The following ABCC2 variants were observed in gnomAD, a reference collection of about 807,000 sequenced individuals.
The protein encoded by ABCC2 is ATP-binding cassette sub-family C member 2.
A neutral mutation model predicts 173.4 loss-of-function variants in ABCC2; 157 were observed. The ratio of observed to expected loss-of-function variants is 0.91; its 90% CI spans 0.80 to 1.03. The LOEUF is 1.03. ABCC2 is among the 50% of genes least tolerant of loss of function. The pLI, the probability that ABCC2 is intolerant of heterozygous loss-of-function variation, is 0.00. For missense variants in ABCC2, 1,822 were observed against 1,852.3 expected (o/e 0.98, Z 0.30); for synonymous variants, 657 against 693.5 (o/e 0.95, Z 0.83).
rs1564673185 is a variant in ABCC2 at position 99,797,100 on chromosome 10, C to A, written c.636C>A (p.Ile212=). 1 of 1,613,984 alleles carries A rather than the reference C, an allele frequency of 6.2e-7. No homozygotes were observed. Among genetic ancestry groups the A allele is most frequent in the Admixed American group, 1.7e-5 (1 of 59,998 alleles). Residue 212 remains isoleucine (I), a synonymous_variant, in exon 7 of 32, where the codon ATC becomes ATA. Coordinates refer to ENST00000647814, the MANE Select transcript of ABCC2 (RefSeq NM_000392.5). ...SSITYSWYDS[I]ILKGYKRPLT... ...CTGTGGTTCGCTCTTGTTCCAGCAT[C>A]ATTCTGAAAGGCTACAAGCGTCCTC...
In ABCC2 at chr10:99,793,912, C is replaced by T. The variant is rs2037851565; in HGVS notation, c.489C>T (p.Ala163=). 6.2e-7 allele frequency: 1 copy of T among 1,613,868 alleles called. No individual in the cohort carries two copies. Among genetic ancestry groups the T allele is most frequent in the South Asian group, 1.1e-5 (1 of 91,078 alleles). The part of the protein sequence containing the change: ...TLLQGDNSNL[A]YSCLFFISYG... ...CATAGGGTGACAATTCTAATCTAGC[C>T]TACTCCTGCCTGTTCTTCATCTCCT... is the stretch of plus-strand genomic sequence containing the variant. The change falls in exon 5 of 32, where the codon GCC becomes GCT. Residue 163 remains alanine (A), a synonymous_variant. Transcript: ENST00000647814.
chr10:99,831,956 C>T (rs764515783), intron 22 of ABCC2, 21 bp from the exon 23 acceptor site: 1 of 1,614,094 alleles, frequency 6.2e-7, no homozygotes, highest in Non-Finnish European at 8.5e-7. Context: ...ATGGTGCTGA[C>T]AAAACTGCTT....
chr10:99,807,295 G>T, intron 11 of ABCC2, 89 bp from the exon 12 acceptor site: 1 of 1,521,052 alleles, frequency 6.6e-7, no homozygotes, highest in South Asian at 1.1e-5. Context: ...ACATTTTGGG[G>T]ACTATATCTT....
In ABCC2 at chr10:99,819,328, A is replaced by G. The variant is rs114171302; in HGVS notation, c.2620+59A>G. The stretch of plus-strand genomic sequence containing the variant: ...GGGCCATGGGTGGAATGGTAAATCA[A>G]TATCTAATTCCTGAACTGCTCAGTA... On this transcript the variant is annotated intron_variant, in intron 19 of 31. Transcript: ENST00000647814. 4.5e-4 allele frequency: 684 copies of G among 1,509,364 alleles called. No individual in the cohort carries two copies. In the African/African-American group the frequency reaches 7.5e-3, roughly 16 times the overall value. 93.5% of individuals were successfully genotyped at this position (1,509,364 alleles called of 1,614,324 possible).
rs1224922647 is a variant in ABCC2 at position 99,830,324 on chromosome 10, G to A, written c.2638G>A (p.Glu880Lys). ...EEATVHDGSE[E>K]EDDDYGLISS... ...CTCCCTAGTCCATGATGGCAGTGAA[G>A]AAGAAGACGATGACTATGGGCTGAT... is the stretch of plus-strand genomic sequence containing the variant. Residue 880 changes from glutamate to lysine, a missense_variant, in exon 20 of 32, where the codon GAA (glutamate) becomes AAA (lysine). Physicochemically the swap from Glu to Lys is moderately conservative, Grantham distance 56. Transcript: ENST00000647814. 1.2e-6 allele frequency: 2 copies of A among 1,614,060 alleles called. No individual in the cohort carries two copies. The highest frequency in any genetic ancestry group is 2.2e-5 in the East Asian group (1 of 44,898).
Position 99,851,893 on chromosome 10 carries a change from A to G in ABCC2, c.*262A>G, listed in dbSNP as rs1408660223. The G allele has an allele frequency of 2.8e-6, 1 of 360,652 alleles. No individual in the cohort carries two copies. Among genetic ancestry groups the G allele is most frequent in the African/African-American group, 2.1e-5 (1 of 47,762 alleles). 22.3% of individuals were successfully genotyped at this position (360,652 alleles called of 1,614,324 possible). ...CAACCACTGTCCTGAATTTCACGAT[A>G]ATTATTCCTTTGCCTTTCATTTCTG... On this transcript the variant is annotated 3_prime_UTR_variant, in exon 32 of 32. Transcript: ENST00000647814.
At chr10:99,850,496 A>AGG in intron 30 of ABCC2, 106 bp from the exon 31 acceptor site, 2 of 1,098,696 alleles carry the variant, frequency 1.8e-6, no homozygotes, top group Non-Finnish European at 2.7e-6. Flanking sequence ...GGAATTTTGG[A>AGG]GGGGGGGTTT....
At chr10:99,832,253 G>T (rs1484715492) in intron 23 of ABCC2, 122 bp downstream of exon 23, 2 of 1,301,146 alleles carry the variant, frequency 1.5e-6, no homozygotes, top group African/African-American at 2.9e-5. Context: ...CACTCAACAT[G>T]CAAGTGTTTC....
intron 25 of ABCC2, among the ~76,000 whole-genome samples, chr10:99,839,240 AC>A (rs1157056619): frequency 1.7e-4 from 7 of 40,918 alleles, no homozygotes; most frequent in Admixed American, 5.5e-4. Flanking sequence ...CGGGGGGCCG[AC>A]CCCCCCACCT....
intron 23 of ABCC2, among the ~76,000 whole-genome samples, chr10:99,833,337 T>C (rs1445726041): frequency 6.6e-6 from 1 of 152,198 alleles, no homozygotes; most frequent in Non-Finnish European, 1.5e-5. Context: ...TATAATCTTC[T>C]GGGAAAGAGA....
At chr10:99,834,335 A>T (rs1392711411) in intron 23 of ABCC2, 45 bp from the exon 24 acceptor site, 1 of 1,600,230 alleles carries the variant, frequency 6.2e-7, no homozygotes, top group Non-Finnish European at 8.6e-7. Context: ...AAACTATCTT[A>T]GGAAGACCTC....
intron 27 of ABCC2, 108 bp downstream of exon 27, chr10:99,844,008 C>A: frequency 1.0e-6 from 1 of 1,000,014 alleles, no homozygotes; most frequent in South Asian, 1.3e-5. Flanking sequence ...CATAATGGGT[C>A]CCTAAAGTTT....
At chr10:99,845,023 T>TTTTA (rs758913693) in intron 28 of ABCC2, among the ~76,000 whole-genome samples, 34 of 152,124 alleles carry the variant, frequency 2.2e-4, no homozygotes, top group East Asian at 7.7e-4. Flanking sequence ...TTTTCTTTAT[T>TTTTA]TTTATTTATT....
intron 24 of ABCC2, 30 bp downstream of exon 24, chr10:99,834,565 C>T (rs970305258): frequency 6.2e-7 from 1 of 1,608,380 alleles, no homozygotes; most frequent in Non-Finnish European, 8.5e-7. Flanking sequence ...AGTCATCCTT[C>T]CTTCCTCTCT....
At chr10:99,784,890 C>A in intron 2 of ABCC2, 109 bp downstream of exon 2, 1 of 1,393,772 alleles carries the variant, frequency 7.2e-7, no homozygotes. Flanking sequence ...GTCCCAGGTG[C>A]CATTGTCTCA....
intron 30 of ABCC2, among the ~76,000 whole-genome samples, chr10:99,848,398 C>T (rs2039047471): frequency 6.6e-6 from 1 of 152,216 alleles, no homozygotes; most frequent in Non-Finnish European, 1.5e-5. Context: ...TCCTTCCACA[C>T]ACTGAAGTTC....
intron 15 of ABCC2, 121 bp downstream of exon 15, chr10:99,811,723 T>C: frequency 8.7e-7 from 1 of 1,154,986 alleles, no homozygotes; most frequent in Non-Finnish European, 1.3e-6. Flanking sequence ...TTCGGTTAGA[T>C]ACTAGTGCAG....
In ABCC2 at chr10:99,817,514, G is replaced by A. The variant is rs757092982; in HGVS notation, c.2271+30G>A. ...TTGGGATAACAAGGGATCTTCAAGG[G>A]TGAAGGCATATTGAAGAGAAAAAGT... On this transcript the variant is annotated intron_variant, in intron 17 of 31. Transcript: ENST00000647814. The A allele has an allele frequency of 2.2e-5, 36 of 1,611,450 alleles. No homozygotes were observed. The South Asian group carries it at 3.7e-4, about 17-fold the overall frequency.
chr10:99,784,935 C>A (rs1474363476), intron 2 of ABCC2, among the ~76,000 whole-genome samples, 154 bp downstream of exon 2: 1 of 152,082 alleles, frequency 6.6e-6, no homozygotes, highest in Non-Finnish European at 1.5e-5. Context: ...CTCACGGGTC[C>A]CTTGCTGCAT....
Sources: allele counts gnomAD v4.1 joint callset (sites outside exome capture counted in the v4.1 genomes callset), GRCh38; gene constraint gnomAD v4.1.1; transcripts MANE v1.5; gene names NCBI Gene and HGNC (gene_info 2026-07-23, HGNC 2026-07-21).